Variants in PPM1H observed in about 807,000 individuals in gnomAD.
PPM1H encodes protein phosphatase 1H.
Under a neutral mutation model 54.9 loss-of-function variants are expected in PPM1H, and 27 were observed. That is an observed-to-expected ratio of 0.49 (90% CI 0.36 to 0.68). The LOEUF (loss-of-function observed/expected upper bound fraction) is 0.68, where lower values mean the gene tolerates loss of function less well. Among genes scored for constraint, PPM1H ranks in the 30% least tolerant of loss-of-function variants. PPM1H has a pLI of 0.00. For synonymous variants in PPM1H, 305 were observed against 270.8 expected (o/e 1.13, Z -1.24); for missense variants, 596 against 667.8 (o/e 0.89, Z 1.19).
intron 4 of PPM1H, among the ~76,000 whole-genome samples, chr12:62,757,036 C>G (rs1326107817): frequency 6.6e-6 from 1 of 152,032 alleles, no homozygotes; most frequent in African/African-American, 2.4e-5. Flanking sequence ...GGGTGGATGA[C>G]CAGAAAATGG....
intron 1 of PPM1H, among the ~76,000 whole-genome samples, chr12:62,888,104 G>A (rs1870656213): frequency 6.6e-6 from 1 of 152,168 alleles, no homozygotes; most frequent in Non-Finnish European, 1.5e-5. Context: ...AAGATGGAGA[G>A]AAGAGGATGA....
chr12:62,837,404 A>G (rs1868534691), intron 1 of PPM1H, among the ~76,000 whole-genome samples: 1 of 152,228 alleles, frequency 6.6e-6, no homozygotes, highest in African/African-American at 2.4e-5. Context: ...GCCAATCAAC[A>G]AAGGACAGAT....
At chr12:62,703,443 G>C (rs188705121) in intron 6 of PPM1H, among the ~76,000 whole-genome samples, 20 of 149,754 alleles carry the variant, frequency 1.3e-4, no homozygotes, top group Admixed American at 1.2e-3. Flanking sequence ...GAAAGCCACA[G>C]GCAGCCTTGT....
chr12:62,931,700 T>G (rs897318533), intron 1 of PPM1H, among the ~76,000 whole-genome samples: 1 of 152,216 alleles, frequency 6.6e-6, no homozygotes, highest in African/African-American at 2.4e-5. Flanking sequence ...GCAAGTTGCT[T>G]AATCACTCAG....
chr12:62,709,112 T>C (rs1220433357), intron 6 of PPM1H, among the ~76,000 whole-genome samples: 1 of 152,208 alleles, frequency 6.6e-6, no homozygotes. Flanking sequence ...ACCACTGCTC[T>C]ACACCCTCTT....
At chr12:62,825,184 A>G (rs1868276593) in intron 2 of PPM1H, among the ~76,000 whole-genome samples, 2 of 152,204 alleles carry the variant, frequency 1.3e-5, no homozygotes, top group South Asian at 2.1e-4. Flanking sequence ...CAGAACCACA[A>G]TGAGATACCA....
chr12:62,884,034 C>T (rs1486169265), intron 1 of PPM1H, among the ~76,000 whole-genome samples: 2 of 152,086 alleles, frequency 1.3e-5, no homozygotes, highest in South Asian at 4.1e-4. Flanking sequence ...AACAAACAGA[C>T]AAAAGTCCCA....
intron 1 of PPM1H, among the ~76,000 whole-genome samples, chr12:62,908,770 TATTA>T (rs1258598508): frequency 8.5e-5 from 13 of 152,214 alleles, no homozygotes; most frequent in African/African-American, 2.7e-4. Context: ...AGTGGGTAGA[TATTA>T]AACAAATAAT....
At chr12:62,827,120 G>A (rs1252487532) in intron 2 of PPM1H, among the ~76,000 whole-genome samples, 1 of 152,142 alleles carries the variant, frequency 6.6e-6, no homozygotes, top group African/African-American at 2.4e-5. Flanking sequence ...TTGTGTGTGA[G>A]CTCCAAACCC....
At chr12:62,825,086 C>G (rs1868274516) in intron 2 of PPM1H, among the ~76,000 whole-genome samples, 1 of 152,052 alleles carries the variant, frequency 6.6e-6, no homozygotes, top group African/African-American at 2.4e-5. Context: ...AGGATATGAA[C>G]TGACACTTCT....
At chr12:62,767,015 G>A (rs1439472137) in intron 4 of PPM1H, among the ~76,000 whole-genome samples, 2 of 152,144 alleles carry the variant, frequency 1.3e-5, no homozygotes, top group Non-Finnish European at 2.9e-5. Flanking sequence ...TTAGGGCTGT[G>A]GGGGAAGCAG....
intron 2 of PPM1H, among the ~76,000 whole-genome samples, chr12:62,826,657 G>A (rs551022559): frequency 6.6e-6 from 1 of 152,174 alleles, no homozygotes; most frequent in South Asian, 2.1e-4. Flanking sequence ...TCCAAGGAAG[G>A]TGAAGATATA....
chr12:62,884,515 AAAAG>A (rs1211884632), intron 1 of PPM1H, among the ~76,000 whole-genome samples: 22 of 146,406 alleles, frequency 1.5e-4, no homozygotes, highest in South Asian at 4.3e-4. Flanking sequence ...AAAAAAAAAA[AAAAG>A]AAAGAAAGAA....
Position 62,934,450 on chromosome 12 carries a change from C to T in PPM1H, c.245+42G>A, listed in dbSNP as rs1164113879. ...AGGGCTGGAACCGTGCGGGGAAGGG[C>T]CGCGAGGAGAGCAGGGGCGCCGCCG... On this transcript the variant is annotated intron_variant, in intron 1 of 9. Coordinates refer to ENST00000228705, the MANE Select transcript of PPM1H (RefSeq NM_020700.2). This position sits in a 1 kb window ranked among gnomAD's most constrained non-coding sequence, Gnocchi z 4.2. The T allele has an allele frequency of 1.3e-6, 2 of 1,502,712 alleles. No individual in the cohort carries two copies. Among genetic ancestry groups the T allele is most frequent in the African/African-American group, 2.8e-5 (2 of 71,818 alleles). The allele number at this position is 1,502,712 out of a possible 1,614,324, so 93.1% of individuals were successfully genotyped here.
Position 62,875,263 on chromosome 12 carries a change from T to C in PPM1H, c.246-42984A>G, listed in dbSNP as rs143951254. Among the ~76,000 whole-genome samples, 764 of 152,324 alleles carry C rather than the reference T, an allele frequency of 5.0e-3. 14 individuals are homozygous for C. The highest frequency in any genetic ancestry group is 0.018 in the African/African-American group (734 of 41,574). The stretch of plus-strand genomic sequence containing the variant: ...GACATGAAATTCTAAAACAAGAGTG[T>C]TCACGAAGCTTAGAAGTTCTTACTA... On this transcript the variant is annotated intron_variant, in intron 1 of 9. Coordinates refer to ENST00000228705, the MANE Select transcript of PPM1H (RefSeq NM_020700.2).
chr12:62,805,375 G>T (rs1214291837), intron 2 of PPM1H, among the ~76,000 whole-genome samples: 1 of 152,150 alleles, frequency 6.6e-6, no homozygotes, highest in East Asian at 1.9e-4. Context: ...AAAAGGAAAT[G>T]AAATCAGTAT....
intron 6 of PPM1H, 70 bp from the exon 7 acceptor site, chr12:62,694,069 T>G: frequency 7.3e-7 from 1 of 1,364,438 alleles, no homozygotes; most frequent in Non-Finnish European, 1.0e-6. Context: ...TGACACCGAC[T>G]GCTAGGGATT....
At chr12:62,782,507 G>C (rs529519067) in intron 4 of PPM1H, among the ~76,000 whole-genome samples, 2 of 152,168 alleles carry the variant, frequency 1.3e-5, no homozygotes. Context: ...AGGAGTGAAA[G>C]ATAAATGAAA....
chr12:62,817,189 G>T (rs1162065617), intron 2 of PPM1H, among the ~76,000 whole-genome samples: 1 of 136,906 alleles, frequency 7.3e-6, no homozygotes, highest in Non-Finnish European at 1.5e-5. Flanking sequence ...CTGGCCAGGC[G>T]CAGTGGTTCA....
Sources: gnomAD v4.1 joint callset for allele counts (sites outside exome capture counted in the v4.1 genomes callset) on GRCh38, gnomAD v4.1.1 for gene constraint, Gnocchi (gnomAD v3.1) non-coding constraint, MANE v1.5 for transcripts, NCBI Gene and HGNC (gene_info 2026-07-23, HGNC 2026-07-21) for gene names.